UGT1A9: variants seen among roughly 807,000 people sequenced by gnomAD.
UGT1A9 encodes the protein UDP glucuronosyltransferase family 1 member A9, also known as UDP-glucuronosyltransferase 1A9.
A neutral mutation model predicts 45.0 loss-of-function variants in UGT1A9; 35 were observed. The ratio of observed to expected loss-of-function variants is 0.78; its 90% CI spans 0.59 to 1.03. The LOEUF is 1.03. UGT1A9 is among the 50% of genes least tolerant of loss of function. The probability of loss-of-function intolerance (pLI) is 0.00; values close to 1 mark genes in which losing one functional copy is unlikely to be tolerated. For missense variants in UGT1A9, 687 were observed against 666.6 expected, an observed-to-expected ratio of 1.03 and a Z score of -0.34; for synonymous variants, 278 against 250.6, an observed-to-expected ratio of 1.11 and a Z score of -1.03.
At chr2:233,729,649 A>T (rs61764031) in intron 1 of UGT1A9, 1,345 of 1,613,864 alleles carry the variant, frequency 8.3e-4, no homozygotes, top group Non-Finnish European at 1.1e-3. Context: ...TTTTTTGAGG[A>T]ACATTCCATG....
At chr2:233,736,140 G>A (rs1255229589) in intron 1 of UGT1A9, among the ~76,000 whole-genome samples, 1 of 152,150 alleles carries the variant, frequency 6.6e-6, no homozygotes, top group Non-Finnish European at 1.5e-5. Flanking sequence ...ATCACTTTCA[G>A]GTACACCAGT....
At chr2:233,691,295 C>G (rs12623271) in intron 1 of UGT1A9, 398,787 of 985,226 alleles carry the variant, frequency 0.4, 81,169 homozygotes, top group South Asian at 0.46. Context: ...TTGTAAGCTG[C>G]CAATCCTCTT....
chr2:233,695,908 T>C (rs2075313628), intron 1 of UGT1A9, among the ~76,000 whole-genome samples: 1 of 152,182 alleles, frequency 6.6e-6, no homozygotes, highest in Admixed American at 6.5e-5. Flanking sequence ...TGGGGTTTTT[T>C]TTCTCCACAC....
intron 1 of UGT1A9, chr2:233,744,072 T>C (rs1692686314): frequency 2.1e-6 from 1 of 476,432 alleles, no homozygotes; most frequent in South Asian, 2.0e-5. Context: ...TATGAGCGCC[T>C]CGCATCCCAA....
chr2:233,766,710 C>T (rs1053778775), intron 1 of UGT1A9, among the ~76,000 whole-genome samples: 3 of 152,122 alleles, frequency 2.0e-5, no homozygotes, highest in Non-Finnish European at 1.5e-5. Context: ...TCTGTGTTCT[C>T]TAAGTGGAAT....
chr2:233,682,641 T>C (rs779606740), intron 1 of UGT1A9: 1 of 1,613,940 alleles, frequency 6.2e-7, no homozygotes, highest in South Asian at 1.1e-5. Flanking sequence ...TCTGAAATTC[T>C]CCAAACCCCT....
intron 1 of UGT1A9, chr2:233,760,772 A>C: frequency 6.2e-7 from 1 of 1,613,930 alleles, no homozygotes; most frequent in Non-Finnish European, 8.5e-7. Flanking sequence ...ATCGTGGCCC[A>C]GTACCTGTCT....
At chr2:233,683,695 A>C (rs372435428) in intron 1 of UGT1A9, among the ~76,000 whole-genome samples, 1 of 152,010 alleles carries the variant, frequency 6.6e-6, no homozygotes, top group Admixed American at 6.6e-5. Flanking sequence ...TCTGCATTTC[A>C]TTATTTTTGA....
At position 233,767,975 on chromosome 2, in the gene UGT1A9, T is replaced by A. The variant is rs772516341; in HGVS notation, c.1075+39T>A. The A allele has an allele frequency of 6.2e-6, 10 of 1,614,016 alleles. No homozygotes were observed. The African/African-American group carries it at 1.3e-4, about 22-fold the overall frequency. On this transcript the variant is annotated intron_variant, in intron 3 of 4. Transcript: ENST00000354728. ...ATTGGATGTATAGGTCAAACCAGGGTCAAATTAAGAAAATGGCTTAAGCAC... is the reference window on the plus strand; with the variant it reads ...ATTGGATGTATAGGTCAAACCAGGGACAAATTAAGAAAATGGCTTAAGCAC...
intron 1 of UGT1A9, among the ~76,000 whole-genome samples, chr2:233,674,829 T>C (rs995039373): frequency 3.9e-5 from 6 of 152,190 alleles, no homozygotes; most frequent in Admixed American, 3.9e-4. Flanking sequence ...GCAAAGAGCC[T>C]TGGATATGGC....
At chr2:233,765,776 G>T (rs1408785034) in intron 1 of UGT1A9, among the ~76,000 whole-genome samples, 1 of 151,906 alleles carries the variant, frequency 6.6e-6, no homozygotes, top group South Asian at 2.1e-4. Flanking sequence ...GGGATTCATT[G>T]GACCACTGAA....
At chr2:233,703,132 G>A (rs1172659956) in intron 1 of UGT1A9, among the ~76,000 whole-genome samples, 3 of 152,068 alleles carry the variant, frequency 2.0e-5, no homozygotes. Flanking sequence ...TACCTGTTAT[G>A]GCTTTATTTA....
At chr2:233,689,845 T>C (rs1292880169) in intron 1 of UGT1A9, 2 of 454,206 alleles carry the variant, frequency 4.4e-6, no homozygotes, top group African/African-American at 4.0e-5. Context: ...TCTTGGATAT[T>C]GTTTTAGGCT....
intron 1 of UGT1A9, among the ~76,000 whole-genome samples, chr2:233,763,573 C>T (rs1559410117): frequency 1.3e-5 from 2 of 152,188 alleles, no homozygotes; most frequent in African/African-American, 4.8e-5. Flanking sequence ...TTCTTATTTT[C>T]TCTTTCTTCC....
At chr2:233,729,744 A>T (rs2077917790) in intron 1 of UGT1A9, 3 of 1,613,828 alleles carry the variant, frequency 1.9e-6, no homozygotes, top group African/African-American at 1.3e-5. Context: ...ACCACATGAC[A>T]TTCATGCAAA....
intron 1 of UGT1A9, among the ~76,000 whole-genome samples, chr2:233,766,000 G>A (rs1299002153): frequency 1.3e-5 from 2 of 152,106 alleles, no homozygotes; most frequent in African/African-American, 2.4e-5. Context: ...TCCAGTGGGC[G>A]TGGGTTATGG....
At chr2:233,743,592 G>T (rs370692834) in intron 1 of UGT1A9, 2 of 1,367,196 alleles carry the variant, frequency 1.5e-6, no homozygotes, top group Non-Finnish European at 2.0e-6. Context: ...AAGGAGAATG[G>T]GTCCTGGCCG....
intron 1 of UGT1A9, chr2:233,753,788 C>T (rs970692260): frequency 7.9e-5 from 12 of 152,166 alleles, no homozygotes; most frequent in Non-Finnish European, 1.8e-4. Context: ...CTTTACATTT[C>T]CAGGACCTAC....
At chr2:233,743,943 G>T in intron 1 of UGT1A9, 1 of 1,352,238 alleles carries the variant, frequency 7.4e-7, no homozygotes. Flanking sequence ...GGCCCACCAG[G>T]CACTGGCACA....
Sources: allele counts gnomAD v4.1 joint callset (sites outside exome capture counted in the v4.1 genomes callset), GRCh38; gene constraint gnomAD v4.1.1; transcripts MANE v1.5; gene names NCBI Gene and HGNC (gene_info 2026-07-23, HGNC 2026-07-21).